CEP70: variants seen among roughly 807,000 people sequenced by gnomAD.
CEP70 encodes the protein centrosomal protein of 70 kDa.
Under a neutral mutation model 90.9 loss-of-function variants are expected in CEP70, and 70 were observed. The ratio of observed to expected loss-of-function variants is 0.77; its 90% CI spans 0.64 to 0.94. CEP70 has a LOEUF of 0.94. Ranked by LOEUF, CEP70 falls within the 40% of genes least tolerant of loss-of-function variation. The pLI is 0.00. For synonymous variants in CEP70, 220 were observed against 228.3 expected (o/e 0.96, Z 0.33); for missense variants, 648 against 669.0 (o/e 0.97, Z 0.35).
intron 8 of CEP70, chr3:138,530,935 C>T: frequency 2.8e-6 from 2 of 713,052 alleles, no homozygotes; most frequent in Non-Finnish European, 3.4e-6. Flanking sequence ...CCGAAAAACT[C>T]CCTCCTTAGG....
At position 138,553,275 on chromosome 3, in the gene CEP70, C is replaced by T. The variant is rs544624078; in HGVS notation, c.466-15928G>A. Among the ~76,000 whole-genome samples the T allele has an allele frequency of 6.0e-4, 91 of 151,998 alleles. 1 individual carries two copies. In the South Asian group the frequency reaches 9.8e-3, roughly 16 times the overall value. ...TGGGTGGATCACGAGGTCAGGAGAT[C>T]GAGACCATCCTGGCTAACACGGTGA... On this transcript the variant is annotated intron_variant, in intron 6 of 17. Transcript: ENST00000264982.
At chr3:138,571,455 T>A (rs1471495420) in intron 3 of CEP70, 99 bp from the exon 4 acceptor site, 1 of 814,486 alleles carries the variant, frequency 1.2e-6, no homozygotes, top group African/African-American at 1.7e-5. Flanking sequence ...GAACTTTTTC[T>A]TCAAAAGTTT....
chr3:138,572,946 A>G lies in CEP70; in HGVS notation c.-5-14T>C. ...GAAACATAGTTACTTTTGTAGAATC[A>G]AAAGAAACAGAAATTGGCAATTAAA... is the stretch of plus-strand genomic sequence containing the variant. On this transcript the variant is annotated splice_polypyrimidine_tract_variant and intron_variant, in intron 2 of 17. Transcript: ENST00000264982. The G allele has an allele frequency of 6.3e-7, 1 of 1,585,678 alleles. No homozygotes were observed. Among genetic ancestry groups the G allele is most frequent in the Non-Finnish European group, 8.6e-7 (1 of 1,164,972 alleles).
At chr3:138,519,030 C>T (rs1197873542) in intron 11 of CEP70, among the ~76,000 whole-genome samples, 10 of 151,958 alleles carry the variant, frequency 6.6e-5, no homozygotes, top group Non-Finnish European at 1.0e-4. Flanking sequence ...AACTACATGA[C>T]GAATGCACAA....
chr3:138,570,700 A>C (rs2041113886), intron 5 of CEP70, among the ~76,000 whole-genome samples: 1 of 152,204 alleles, frequency 6.6e-6, no homozygotes. Context: ...TAAGCATCTC[A>C]AATCTGAAAA....
At chr3:138,518,477 G>C (rs1182799422) in intron 11 of CEP70, among the ~76,000 whole-genome samples, 1 of 152,182 alleles carries the variant, frequency 6.6e-6, no homozygotes, top group Non-Finnish European at 1.5e-5. Context: ...ACTCCTCTGA[G>C]ACAAAACTTC....
chr3:138,510,854 ATC>A (rs1258349639), intron 11 of CEP70, among the ~76,000 whole-genome samples: 1 of 130,426 alleles, frequency 7.7e-6, no homozygotes, highest in Non-Finnish European at 1.6e-5. Flanking sequence ...TGCTTTTTCC[ATC>A]TTTTTTTTTT....
intron 8 of CEP70, among the ~76,000 whole-genome samples, chr3:138,530,418 G>A (rs1313164294): frequency 6.6e-6 from 1 of 152,094 alleles, no homozygotes; most frequent in Non-Finnish European, 1.5e-5. Context: ...CATATCACCA[G>A]TCTAGTAAGT....
In CEP70 at chr3:138,523,442, T is replaced by C. The variant is rs533212487; in HGVS notation, c.944+2048A>G. Among the ~76,000 whole-genome samples, 249 of 152,240 alleles carry C rather than the reference T, an allele frequency of 1.6e-3. 1 individual carries two copies. Among genetic ancestry groups the C allele is most frequent in the African/African-American group, 5.9e-3 (243 of 41,534 alleles). On this transcript the variant is annotated intron_variant, in intron 11 of 17. Coordinates refer to ENST00000264982, the MANE Select transcript of CEP70 (RefSeq NM_024491.4). ...AAAAGAGGAAGTCAAATTGTCCCTGTTTGCAGATGACATGATTGTATATCT... is the reference window on the plus strand; with the variant it reads ...AAAAGAGGAAGTCAAATTGTCCCTGCTTGCAGATGACATGATTGTATATCT...
intron 11 of CEP70, among the ~76,000 whole-genome samples, chr3:138,512,451 AATTG>A (rs2108740983): frequency 6.6e-6 from 1 of 152,248 alleles, no homozygotes; most frequent in African/African-American, 2.4e-5. Context: ...TACATGACTT[AATTG>A]GCATTTTAGA....
At chr3:138,518,555 G>C (rs1276814777) in intron 11 of CEP70, among the ~76,000 whole-genome samples, 2 of 152,214 alleles carry the variant, frequency 1.3e-5, no homozygotes, top group Non-Finnish European at 2.9e-5. Flanking sequence ...CTCTGCTGCT[G>C]ATACCCAGGC....
intron 7 of CEP70, among the ~76,000 whole-genome samples, chr3:138,535,930 T>A (rs2038228352): frequency 6.6e-6 from 1 of 152,240 alleles, no homozygotes; most frequent in Admixed American, 6.5e-5. Context: ...TGTTTTTTTA[T>A]GTGTTTGTCG....
chr3:138,525,509 CT>C lies in CEP70; in HGVS notation c.924del (p.Ala309ProfsTer35). On this transcript the variant is annotated frameshift_variant, in exon 11 of 18. Transcript: ENST00000264982. LOFTEE classifies it high-confidence loss of function. ...LYKQQVKKLE[K>X]ALKKNVKLQE... Reference sequence around the variant, plus strand: ...AATTACTTGACGTTTTTCTTAAGGGCTTTTTCCAGCTTCTTCACCTGCTGTT... The same window carrying C: ...AATTACTTGACGTTTTTCTTAAGGGCTTTTCCAGCTTCTTCACCTGCTGTT... The C allele has an allele frequency of 1.2e-5, 17 of 1,416,716 alleles. No homozygotes were observed. The highest frequency in any genetic ancestry group is 6.8e-5 in the Admixed American group (3 of 44,166). 87.8% of individuals were successfully genotyped at this position (1,416,716 alleles called of 1,614,324 possible).
intron 2 of CEP70, among the ~76,000 whole-genome samples, chr3:138,584,161 A>G (rs559378371): frequency 6.6e-6 from 1 of 152,076 alleles, no homozygotes; most frequent in Non-Finnish European, 1.5e-5. Context: ...AATAAACTAG[A>G]AAATCTAGAA....
chr3:138,506,465 G>A (rs2035000181), intron 12 of CEP70, among the ~76,000 whole-genome samples: 1 of 151,624 alleles, frequency 6.6e-6, no homozygotes, highest in Non-Finnish European at 1.5e-5. Flanking sequence ...ATCATCCGAG[G>A]AAAAAAAGGG....
intron 6 of CEP70, among the ~76,000 whole-genome samples, chr3:138,555,687 G>A (rs1392528594): frequency 6.6e-6 from 1 of 152,084 alleles, no homozygotes; most frequent in African/African-American, 2.4e-5. Flanking sequence ...CAATGGTCAG[G>A]GAAATGCAGA....
chr3:138,494,979 A>C lies in CEP70; in HGVS notation c.*36T>G. On this transcript the variant is annotated 3_prime_UTR_variant, in exon 18 of 18. Transcript: ENST00000264982. ...TCCTACAAAATACAAAATGTTAAGA[A>C]TACAATTTACACAGTAAAAATGATT... 8.9e-7 allele frequency: 1 copy of C among 1,124,896 alleles called. No homozygotes were observed. Among genetic ancestry groups the C allele is most frequent in the Non-Finnish European group, 1.3e-6 (1 of 752,270 alleles). 69.7% of individuals were successfully genotyped at this position (1,124,896 alleles called of 1,614,324 possible).
At chr3:138,511,113 C>T (rs905561143) in intron 11 of CEP70, among the ~76,000 whole-genome samples, 12 of 152,190 alleles carry the variant, frequency 7.9e-5, no homozygotes, top group Middle Eastern at 3.4e-3. Flanking sequence ...CCTTGTGATC[C>T]GCCCGCCTTG....
At chr3:138,590,555 T>C (rs2042330424) in intron 2 of CEP70, among the ~76,000 whole-genome samples, 1 of 151,776 alleles carries the variant, frequency 6.6e-6, no homozygotes, top group Non-Finnish European at 1.5e-5. Flanking sequence ...GTTCAATATA[T>C]TATATAACAA....
Sources: allele counts gnomAD v4.1 joint callset (sites outside exome capture counted in the v4.1 genomes callset), GRCh38; gene constraint gnomAD v4.1.1; transcripts MANE v1.5; gene names NCBI Gene and HGNC (gene_info 2026-07-23, HGNC 2026-07-21).